Variants in RNF115 observed in about 807,000 individuals in gnomAD.
RNF115 encodes E3 ubiquitin-protein ligase RNF115.
In RNF115, 31 loss-of-function variants were observed where a neutral mutation model predicts 39.2. The observed-to-expected ratio is 0.79, with a 90% confidence interval of 0.59 to 1.07. The LOEUF (loss-of-function observed/expected upper bound fraction) is 1.07. Ranked by LOEUF, RNF115 falls within the 50% of genes least tolerant of loss-of-function variation. The probability of loss-of-function intolerance (pLI) is 0.00; values close to 1 mark genes in which losing one functional copy is unlikely to be tolerated. For synonymous variants in RNF115, 124 were observed against 131.0 expected, an observed-to-expected ratio of 0.95 and a Z score of 0.37; for missense variants, 384 against 381.7, an observed-to-expected ratio of 1.01 and a Z score of -0.05.
intron 2 of RNF115, among the ~76,000 whole-genome samples, chr1:145,785,975 T>C (rs1474569300): frequency 6.6e-6 from 1 of 152,196 alleles, no homozygotes; most frequent in Non-Finnish European, 1.5e-5. Flanking sequence ...TGTATCCATT[T>C]GATTGCTCAA....
At chr1:145,784,675 A>C (rs1553717912) in intron 2 of RNF115, 79 bp from the exon 3 acceptor site, 5 of 1,233,964 alleles carry the variant, frequency 4.1e-6, no homozygotes, top group Non-Finnish European at 6.0e-6. Context: ...AGAATGGCAT[A>C]ATGAGAACAA....
intron 3 of RNF115, among the ~76,000 whole-genome samples, chr1:145,776,639 G>A (rs1647899771): frequency 1.3e-5 from 2 of 151,670 alleles, no homozygotes; most frequent in South Asian, 4.2e-4. Flanking sequence ...AGGAGTTCAA[G>A]ACCAGCCTAG....
intron 1 of RNF115, among the ~76,000 whole-genome samples, chr1:145,814,518 G>A (rs1649892229): frequency 6.6e-6 from 1 of 151,424 alleles, no homozygotes; most frequent in South Asian, 2.1e-4. Context: ...GTAAGGCAGA[G>A]GATGCAGTGA....
chr1:145,811,355 C>CAAAA (rs71829191), intron 1 of RNF115, among the ~76,000 whole-genome samples: 1 of 60,450 alleles, frequency 1.7e-5, no homozygotes, highest in Non-Finnish European at 2.9e-5. Flanking sequence ...CCATCACTAC[C>CAAAA]AAAAAAAAAA....
rs1553711827 is a variant in RNF115 at position 145,746,980 on chromosome 1, T to A, written c.801A>T (p.Val267=). 9 of 1,613,662 alleles carry A rather than the reference T, an allele frequency of 5.6e-6. No homozygotes were observed. In the African/African-American group the frequency reaches 9.3e-5, roughly 17 times the overall value. The change falls in exon 9 of 9, where the codon GTA becomes GTT. Residue 267 remains valine, a synonymous_variant. Transcript: ENST00000582693. ...PWLELHDTCP[V]CRKSLNGEDS... The stretch of plus-strand genomic sequence containing the variant: ...CCTCACCATTTAAGCTCTTCCTACA[T>A]ACAGGACATGTGTCATGCTGAAACA...
chr1:145,808,529 T>G (rs1300283482), intron 1 of RNF115, among the ~76,000 whole-genome samples: 1 of 152,204 alleles, frequency 6.6e-6, no homozygotes, highest in African/African-American at 2.4e-5. Flanking sequence ...GCCCAACCAT[T>G]ATTTGGTTTT....
In RNF115 at chr1:145,752,981, G is replaced by A. The variant is rs1232976431; in HGVS notation, c.497C>T (p.Ser166Phe). The A allele has an allele frequency of 3.8e-6, 6 of 1,596,378 alleles. No individual in the cohort carries two copies. Among genetic ancestry groups the A allele is most frequent in the Non-Finnish European group, 5.2e-6 (6 of 1,164,360 alleles). The change falls in exon 5 of 9, where the codon TCC becomes TTC. Residue 166 changes from serine (S) to phenylalanine (F), a missense_variant. Ser to Phe is a radical substitution (Grantham distance 155). Transcript: ENST00000582693. Reference sequence around the variant, plus strand: ...TAGAAAACAATTAGTTACTTACCAGGAAAAAGGGTGTGGAGATCCAGGAAT... The same window carrying A: ...TAGAAAACAATTAGTTACTTACCAGAAAAAAGGGTGTGGAGATCCAGGAAT... ...SAIPGSPHPF[S>F]WSGMLHSNPG... is the part of the protein sequence containing the mutation.
In RNF115 at chr1:145,794,494, ATCTCTT is replaced by A. The variant is rs1367231399; in HGVS notation, c.103-5534_103-5529del. 3.6e-5 allele frequency among the ~76,000 whole-genome samples: 5 copies of A among 139,776 alleles called. No individual in the cohort carries two copies. In the East Asian group the frequency reaches 1.0e-3, roughly 29 times the overall value. 91.7% of individuals were successfully genotyped at this position (139,776 alleles called of 152,430 possible). On this transcript the variant is annotated intron_variant, in intron 1 of 8. Transcript: ENST00000582693. ...CTTTCTGCATGGCAAGGGGCATCTAATCTCTTTCTTTTTTTTTTTTTTTTTTTTTTT... is the reference window on the plus strand; with the variant it reads ...CTTTCTGCATGGCAAGGGGCATCTAATCTTTTTTTTTTTTTTTTTTTTTTT...
In RNF115 at chr1:145,744,739, T is replaced by C. The variant is rs587685131; in HGVS notation, c.*2127A>G. 6.6e-6 allele frequency: 1 copy of C among 152,366 alleles called. No individual in the cohort carries two copies. The highest frequency in any genetic ancestry group is 2.4e-5 in the African/African-American group (1 of 41,578). The allele number at this position is 152,366 out of a possible 1,614,324, so 9.4% of individuals were successfully genotyped here. A position where few individuals can be genotyped will look rare whatever the true frequency, so the allele number is the denominator to read the frequency against. On this transcript the variant is annotated 3_prime_UTR_variant, in exon 9 of 9. Coordinates refer to ENST00000582693, the MANE Select transcript of RNF115 (RefSeq NM_014455.4). Reference sequence around the variant, plus strand: ...TCTAAACTGATCATTCTGATCATTGTTGTGTGACAATACAAATGGTGCCCC... The same window carrying C: ...TCTAAACTGATCATTCTGATCATTGCTGTGTGACAATACAAATGGTGCCCC...
At chr1:145,797,556 C>T (rs1386481499) in intron 1 of RNF115, among the ~76,000 whole-genome samples, 2 of 152,104 alleles carry the variant, frequency 1.3e-5, no homozygotes, top group East Asian at 1.9e-4. Context: ...TCATCAAGGA[C>T]ATCTGCGTTG....
At chr1:145,797,448 T>C (rs1267078196) in intron 1 of RNF115, among the ~76,000 whole-genome samples, 1 of 152,180 alleles carries the variant, frequency 6.6e-6, no homozygotes, top group Non-Finnish European at 1.5e-5. Flanking sequence ...TAACACAATA[T>C]CCTCAAGGTT....
At position 145,742,781 on chromosome 1, in the gene RNF115, G is replaced by A. The variant is rs1657727085; in HGVS notation, c.*4085C>T. On this transcript the variant is annotated 3_prime_UTR_variant, in exon 9 of 9. Coordinates refer to ENST00000582693, the MANE Select transcript of RNF115 (RefSeq NM_014455.4). ...CCTAATAACTATTTAATCAGAGACTGATTGGAGAAAAAACAAGTTCTTCCC... is the reference window on the plus strand; with the variant it reads ...CCTAATAACTATTTAATCAGAGACTAATTGGAGAAAAAACAAGTTCTTCCC... 1 of 152,212 alleles carries A rather than the reference G, an allele frequency of 6.6e-6. No homozygotes were observed. The highest frequency in any genetic ancestry group is 1.5e-5 in the Non-Finnish European group (1 of 68,044). The allele number at this position is 152,212 out of a possible 1,614,324, so 9.4% of individuals were successfully genotyped here.
At chr1:145,750,636 G>T in intron 6 of RNF115, 136 bp from the exon 7 acceptor site, 1 of 644,828 alleles carries the variant, frequency 1.6e-6, no homozygotes, top group South Asian at 2.0e-5. Context: ...GCTCTGAGAG[G>T]CTTGGGTTTC....
In RNF115 at chr1:145,787,679, G is replaced by A. The variant is rs923943561; in HGVS notation, c.161+1229C>T. ...AGGCAGGCGGATCACTTGAGGTCAG[G>A]AGTTCAAGACCAGCCTGGCCAACAC... On this transcript the variant is annotated intron_variant, in intron 2 of 8. Transcript: ENST00000582693. 7.2e-5 allele frequency among the ~76,000 whole-genome samples: 11 copies of A among 152,060 alleles called. No homozygotes were observed. In the East Asian group the frequency reaches 1.9e-3, roughly 27 times the overall value.
intron 1 of RNF115, among the ~76,000 whole-genome samples, chr1:145,794,546 G>A (rs1296434782): frequency 1.8e-5 from 2 of 113,096 alleles, no homozygotes; most frequent in African/African-American, 7.2e-5. Context: ...GTCTCACTCT[G>A]ACGCACAGGC....
chr1:145,770,003 G>A (rs1254250336), intron 4 of RNF115, among the ~76,000 whole-genome samples: 1 of 152,018 alleles, frequency 6.6e-6, no homozygotes, highest in African/African-American at 2.4e-5. Flanking sequence ...GTGAGACCCT[G>A]TTTCCCCAAC....
intron 2 of RNF115, chr1:145,787,045 G>A (rs1648413187): frequency 1.6e-6 from 2 of 1,278,424 alleles, no homozygotes; most frequent in African/African-American, 1.5e-5. Flanking sequence ...GTTGTGGAAG[G>A]GACCTTCAAC....
intron 3 of RNF115, among the ~76,000 whole-genome samples, chr1:145,781,398 C>G (rs1385526936): frequency 3.3e-5 from 5 of 152,124 alleles, no homozygotes; most frequent in Non-Finnish European, 5.9e-5. Flanking sequence ...AATTTTATTT[C>G]TAAGTTTTTT....
chr1:145,765,258 A>G (rs1236870789), intron 4 of RNF115, among the ~76,000 whole-genome samples: 2 of 152,134 alleles, frequency 1.3e-5, no homozygotes, highest in Non-Finnish European at 2.9e-5. Flanking sequence ...CCCTAATCTC[A>G]AGTACCCAGG....
Sources: allele counts gnomAD v4.1 joint callset (sites outside exome capture counted in the v4.1 genomes callset), GRCh38; gene constraint gnomAD v4.1.1; transcripts MANE v1.5; gene names NCBI Gene and HGNC (gene_info 2026-07-23, HGNC 2026-07-21).